ZNF704: variants seen among roughly 807,000 people sequenced by gnomAD.
ZNF704 encodes zinc finger protein 704.
ZNF704 carries 10 observed loss-of-function variants against 44.7 expected under a neutral mutation model. The ratio of observed to expected loss-of-function variants is 0.22; its 90% CI spans 0.14 to 0.38. The LOEUF (loss-of-function observed/expected upper bound fraction) is 0.38, where lower values mean the gene tolerates loss of function less well. Among genes scored for constraint, ZNF704 ranks in the 10% least tolerant of loss-of-function variants. The pLI, the probability that ZNF704 is intolerant of heterozygous loss-of-function variation, is 1.00. For synonymous variants in ZNF704, 211 were observed against 207.6 expected, an observed-to-expected ratio of 1.02 and a Z score of -0.14; for missense variants, 390 against 545.5, an observed-to-expected ratio of 0.71 and a Z score of 2.84.
At chr8:80,866,519 C>T (rs1420115400) in intron 1 of ZNF704, among the ~76,000 whole-genome samples, 1 of 152,136 alleles carries the variant, frequency 6.6e-6, no homozygotes, top group East Asian at 1.9e-4. Context: ...ACAAATATTT[C>T]AGAAAGTCTA....
intron 2 of ZNF704, among the ~76,000 whole-genome samples, chr8:80,813,553 T>C (rs573698067): frequency 4.7e-4 from 71 of 152,190 alleles, no homozygotes; most frequent in Non-Finnish European, 7.2e-4. Flanking sequence ...CAAATTTGTG[T>C]CATAAAACAA....
intron 2 of ZNF704, among the ~76,000 whole-genome samples, chr8:80,697,215 T>G (rs1406336016): frequency 6.6e-6 from 1 of 151,818 alleles, no homozygotes; most frequent in Non-Finnish European, 1.5e-5. Flanking sequence ...ACTATGGGGG[T>G]GTGTGTGCCA....
At chr8:80,739,152 T>C (rs1806713635) in intron 2 of ZNF704, among the ~76,000 whole-genome samples, 1 of 152,228 alleles carries the variant, frequency 6.6e-6, no homozygotes, top group Non-Finnish European at 1.5e-5. Flanking sequence ...ATATCAAAGA[T>C]TACACATCAT....
chr8:80,726,736 C>G (rs892548574), intron 2 of ZNF704, among the ~76,000 whole-genome samples: 3 of 151,966 alleles, frequency 2.0e-5, no homozygotes, highest in Non-Finnish European at 2.9e-5. Flanking sequence ...CAGGTAAAAA[C>G]AAAACAGGCC....
intron 2 of ZNF704, among the ~76,000 whole-genome samples, chr8:80,782,583 A>T (rs994353534): frequency 6.6e-6 from 1 of 152,156 alleles, no homozygotes; most frequent in Non-Finnish European, 1.5e-5. Context: ...TATTCTAGGC[A>T]CTAGGTTTTA....
intron 4 of ZNF704, among the ~76,000 whole-genome samples, chr8:80,676,083 C>G (rs1369208791): frequency 6.6e-6 from 1 of 152,158 alleles, no homozygotes; most frequent in Non-Finnish European, 1.5e-5. Flanking sequence ...TGAACAAGGA[C>G]TGGGAATGTT....
chr8:80,869,238 T>C (rs1191264566), intron 1 of ZNF704, among the ~76,000 whole-genome samples: 1 of 152,220 alleles, frequency 6.6e-6, no homozygotes, highest in Non-Finnish European at 1.5e-5. Context: ...GGCCATGGAA[T>C]AAAGTTGGGA....
chr8:80,809,432 C>T (rs16908048), intron 2 of ZNF704, among the ~76,000 whole-genome samples: 3 of 152,180 alleles, frequency 2.0e-5, no homozygotes, highest in East Asian at 3.9e-4. Context: ...AGCAACGTTA[C>T]GCAAATCTAT....
upstream of ZNF704, among the ~76,000 whole-genome samples, chr8:80,879,741 T>G (rs1809401130): frequency 6.6e-6 from 1 of 152,258 alleles, no homozygotes; most frequent in Non-Finnish European, 1.5e-5. Flanking sequence ...TTCTATGTTT[T>G]ATTATTTGTA....
intron 2 of ZNF704, among the ~76,000 whole-genome samples, chr8:80,815,335 A>G (rs2129856566): frequency 6.6e-6 from 1 of 152,330 alleles, no homozygotes; most frequent in Admixed American, 6.5e-5. Context: ...TTGCTAATAC[A>G]TTTCTCTAGC....
At chr8:80,762,611 C>A (rs990924562) in intron 2 of ZNF704, among the ~76,000 whole-genome samples, 2 of 152,114 alleles carry the variant, frequency 1.3e-5, no homozygotes, top group Admixed American at 1.3e-4. Context: ...TATTATAATT[C>A]AAGATGAGAT....
chr8:80,701,900 T>C (rs1585965666), intron 2 of ZNF704, among the ~76,000 whole-genome samples: 1 of 152,186 alleles, frequency 6.6e-6, no homozygotes, highest in African/African-American at 2.4e-5. Flanking sequence ...GCAGTCATTG[T>C]AGAGGACTCT....
At chr8:80,852,656 G>A (rs1412174014) in intron 1 of ZNF704, among the ~76,000 whole-genome samples, 4 of 152,144 alleles carry the variant, frequency 2.6e-5, no homozygotes, top group African/African-American at 7.2e-5. Context: ...CTTGCTGCTC[G>A]TAGGACATTG....
intron 5 of ZNF704, 106 bp from the exon 6 acceptor site, chr8:80,665,188 T>TTGCAA (rs1036986517): frequency 7.8e-7 from 1 of 1,279,866 alleles, no homozygotes; most frequent in African/African-American, 1.5e-5. Context: ...TCCTCCCTCT[T>TTGCAA]GTTTGCCTTG....
intron 7 of ZNF704, among the ~76,000 whole-genome samples, chr8:80,654,354 C>A (rs1047874024): frequency 1.1e-4 from 16 of 152,002 alleles, no homozygotes; most frequent in Non-Finnish European, 1.5e-4. Flanking sequence ...TCTAATTAAA[C>A]TAAAGAGCTT....
In ZNF704 at chr8:80,636,958, T is replaced by A. The variant is rs1473599195; in HGVS notation, c.*4408A>T. 1 of 152,210 alleles carries A rather than the reference T, an allele frequency of 6.6e-6. No individual in the cohort carries two copies. The highest frequency in any genetic ancestry group is 2.4e-5 in the African/African-American group (1 of 41,450). 9.4% of individuals were successfully genotyped at this position (152,210 alleles called of 1,614,324 possible). ...CTGATAGCTAATAAACAGTCATCCA[T>A]TGGGTAATGATAAAAAGGACCAGCA... is the stretch of plus-strand genomic sequence containing the variant. On this transcript the variant is annotated 3_prime_UTR_variant, in exon 9 of 9. Transcript: ENST00000327835.
chr8:80,742,487 C>T (rs1055121689), intron 2 of ZNF704, among the ~76,000 whole-genome samples: 1 of 152,160 alleles, frequency 6.6e-6, no homozygotes, highest in African/African-American at 2.4e-5. Flanking sequence ...CAGGCCTTTT[C>T]AAAACTATCA....
intron 6 of ZNF704, among the ~76,000 whole-genome samples, chr8:80,664,581 C>G (rs1360863156): frequency 1.3e-5 from 2 of 152,178 alleles, no homozygotes; most frequent in Admixed American, 6.5e-5. Flanking sequence ...GGATTTTTAT[C>G]ATCATAACAA....
the ZNF704 span, among the ~76,000 whole-genome samples, chr8:80,881,114 AG>A: frequency 6.6e-6 from 1 of 152,220 alleles, no homozygotes; most frequent in Non-Finnish European, 1.5e-5. Context: ...TTACTATTTC[AG>A]TGTGTGCAAT....
Sources: gnomAD v4.1 joint callset for allele counts (sites outside exome capture counted in the v4.1 genomes callset) on GRCh38, gnomAD v4.1.1 for gene constraint, MANE v1.5 for transcripts, NCBI Gene and HGNC (gene_info 2026-07-23, HGNC 2026-07-21) for gene names.